The following SNTG1 variants were observed in gnomAD, a reference collection of about 807,000 sequenced individuals.
The protein encoded by SNTG1 is syntrophin gamma 1, also known as gamma-1-syntrophin.
A neutral mutation model predicts 74.7 loss-of-function variants in SNTG1; 39 were observed. The observed-to-expected ratio is 0.52, with a 90% CI of 0.40 to 0.68. The LOEUF (loss-of-function observed/expected upper bound fraction) is 0.68, where lower values mean the gene tolerates loss of function less well. SNTG1 is among the 30% of genes least tolerant of loss of function. The pLI, the probability that SNTG1 is intolerant of heterozygous loss-of-function variation, is 0.00. For missense variants in SNTG1, 685 were observed against 609.5 expected (o/e 1.12, Z -1.30); for synonymous variants, 254 against 217.1 (o/e 1.17, Z -1.49).
chr8:50,090,547 T>A (rs1228213995), intron 1 of SNTG1, among the ~76,000 whole-genome samples: 1 of 152,176 alleles, frequency 6.6e-6, no homozygotes, highest in Non-Finnish European at 1.5e-5. Context: ...AATCACCAGC[T>A]CAGGTCAAGG....
intron 18 of SNTG1, among the ~76,000 whole-genome samples, chr8:50,781,384 G>A (rs563321574): frequency 6.6e-6 from 1 of 152,126 alleles, no homozygotes; most frequent in Admixed American, 6.5e-5. Flanking sequence ...GAATCTGGGT[G>A]CTCCTGTATT....
At chr8:50,410,425 T>C (rs1349652616) in intron 4 of SNTG1, among the ~76,000 whole-genome samples, 2 of 152,244 alleles carry the variant, frequency 1.3e-5, no homozygotes, top group Admixed American at 1.3e-4. Flanking sequence ...GCCAATGTTA[T>C]CATTTATTTG....
chr8:50,575,995 C>T (rs932805425), intron 12 of SNTG1, among the ~76,000 whole-genome samples: 1 of 152,010 alleles, frequency 6.6e-6, no homozygotes, highest in Non-Finnish European at 1.5e-5. Context: ...AGTAGATTTT[C>T]TTAAATTTGT....
At chr8:50,366,151 G>A (rs1286943604) in intron 2 of SNTG1, among the ~76,000 whole-genome samples, 1 of 152,122 alleles carries the variant, frequency 6.6e-6, no homozygotes, top group Admixed American at 6.6e-5. Context: ...GAAACATTGG[G>A]ATCTGTGTAA....
At chr8:49,994,315 G>A (rs372301281) in intron 1 of SNTG1, among the ~76,000 whole-genome samples, 2 of 146,552 alleles carry the variant, frequency 1.4e-5, no homozygotes, top group African/African-American at 5.1e-5. Context: ...GAGTGCAATG[G>A]CCCAATCTCG....
At chr8:50,386,673 T>C (rs940361366) in intron 2 of SNTG1, among the ~76,000 whole-genome samples, 1 of 151,984 alleles carries the variant, frequency 6.6e-6, no homozygotes, top group Non-Finnish European at 1.5e-5. Context: ...TCACAGCAGA[T>C]GGAAGGGGAG....
intron 4 of SNTG1, among the ~76,000 whole-genome samples, chr8:50,423,517 A>G (rs1406478947): frequency 6.6e-6 from 1 of 152,196 alleles, no homozygotes; most frequent in Non-Finnish European, 1.5e-5. Context: ...ACTCAAGTTA[A>G]CTTCTTTATC....
At chr8:50,472,472 G>T (rs2093661239) in intron 8 of SNTG1, among the ~76,000 whole-genome samples, 1 of 152,078 alleles carries the variant, frequency 6.6e-6, no homozygotes, top group Non-Finnish European at 1.5e-5. Flanking sequence ...ATATCTATAT[G>T]TGAAAAAATT....
chr8:50,536,436 G>A (rs1272940906), intron 10 of SNTG1, among the ~76,000 whole-genome samples: 1 of 151,884 alleles, frequency 6.6e-6, no homozygotes. Context: ...TTTAAAATAC[G>A]TTTTCACTAG....
At chr8:50,307,022 T>C (rs928257376) in intron 2 of SNTG1, among the ~76,000 whole-genome samples, 9 of 152,110 alleles carry the variant, frequency 5.9e-5, no homozygotes, top group Admixed American at 5.9e-4. Context: ...ACATCATGTA[T>C]ATGAGCTCAT....
intron 2 of SNTG1, among the ~76,000 whole-genome samples, chr8:50,281,167 TAG>T (rs2088429795): frequency 6.6e-6 from 1 of 152,152 alleles, no homozygotes; most frequent in South Asian, 2.1e-4. Flanking sequence ...GGTGCTACAC[TAG>T]AGTCAGGTTG....
chr8:50,534,426 C>T (rs1051830061), intron 10 of SNTG1, among the ~76,000 whole-genome samples: 3 of 152,044 alleles, frequency 2.0e-5, no homozygotes, highest in African/African-American at 7.3e-5. Flanking sequence ...CCCAAGCCTG[C>T]CACACAGTAT....
intron 15 of SNTG1, among the ~76,000 whole-genome samples, chr8:50,668,260 T>A (rs1007048651): frequency 1.6e-4 from 24 of 151,958 alleles, no homozygotes; most frequent in African/African-American, 5.8e-4. Flanking sequence ...AAATTCCCCA[T>A]CTGTTATATA....
At chr8:50,077,526 A>C (rs1822001275) in intron 1 of SNTG1, among the ~76,000 whole-genome samples, 1 of 152,186 alleles carries the variant, frequency 6.6e-6, no homozygotes, top group Non-Finnish European at 1.5e-5. Flanking sequence ...ACATTCTGAG[A>C]TATATATAGT....
rs1260824838 is a variant in SNTG1 at position 50,266,668 on chromosome 8, G to A, written c.-28+94033G>A. 1.1e-3 allele frequency among the ~76,000 whole-genome samples: 126 copies of A among 114,154 alleles called. 1 individual carries two copies. The highest frequency in any genetic ancestry group is 2.6e-3 in the South Asian group (7 of 2,728). 74.9% of individuals were successfully genotyped at this position (114,154 alleles called of 152,430 possible). ...ATTATGTGTGTGTGTGTGTGTGTGT[G>A]TGTGTGTGTGTGTGTGTATATATAT... On this transcript the variant is annotated intron_variant, in intron 2 of 18. Coordinates refer to ENST00000642720, the MANE Select transcript of SNTG1 (RefSeq NM_018967.5).
chr8:50,167,153 G>T (rs1462449140), intron 1 of SNTG1, among the ~76,000 whole-genome samples: 2 of 144,814 alleles, frequency 1.4e-5, no homozygotes, highest in South Asian at 2.2e-4. Flanking sequence ...GGATAGCATT[G>T]GGAGATATAC....
At chr8:50,513,390 C>T (rs2094102495) in intron 9 of SNTG1, among the ~76,000 whole-genome samples, 1 of 152,210 alleles carries the variant, frequency 6.6e-6, no homozygotes, top group Non-Finnish European at 1.5e-5. Context: ...GACAGTCTGT[C>T]CATTCTCAGA....
At chr8:50,542,248 C>T (rs1316382063) in intron 11 of SNTG1, among the ~76,000 whole-genome samples, 6 of 151,054 alleles carry the variant, frequency 4.0e-5, no homozygotes, top group Non-Finnish European at 7.4e-5. Flanking sequence ...CCTCCACCCC[C>T]GGGTTCAAGC....
intron 2 of SNTG1, among the ~76,000 whole-genome samples, chr8:50,187,092 A>G (rs2083411435): frequency 6.6e-6 from 1 of 151,986 alleles, no homozygotes; most frequent in Admixed American, 6.6e-5. Flanking sequence ...GTTTCAGCCC[A>G]AAGTAATTTA....
Sources: gnomAD v4.1 joint callset for allele counts (sites outside exome capture counted in the v4.1 genomes callset) on GRCh38, gnomAD v4.1.1 for gene constraint, MANE v1.5 for transcripts, NCBI Gene and HGNC (gene_info 2026-07-23, HGNC 2026-07-21) for gene names.